The following EDNRB variants were observed in gnomAD, a reference collection of about 807,000 sequenced individuals.
EDNRB encodes the protein Hirschsprung disease 2.
Under a neutral mutation model 46.4 loss-of-function variants are expected in EDNRB, and 18 were observed. That is an observed-to-expected ratio of 0.39 (90% CI 0.27 to 0.57). The LOEUF is 0.57. Among genes scored for constraint, EDNRB ranks in the 20% least tolerant of loss-of-function variants. The probability of loss-of-function intolerance (pLI) is 0.61; values close to 1 mark genes in which losing one functional copy is unlikely to be tolerated. For synonymous variants in EDNRB, 213 were observed against 204.9 expected (o/e 1.04, Z -0.34); for missense variants, 434 against 537.5 (o/e 0.81, Z 1.90).
intron 1 of EDNRB, among the ~76,000 whole-genome samples, chr13:77,963,556 T>A: frequency 6.6e-6 from 1 of 152,182 alleles, no homozygotes; most frequent in Non-Finnish European, 1.5e-5. Context: ...CTGGGAAAAC[T>A]GGCTAGCCAT....
rs147945804 is a variant in EDNRB, at chr13:77,958,344, T to TTTTATTTA, written c.-52+16995_-52+17002dup. On this transcript the variant is annotated intron_variant, in intron 1 of 7. Coordinates refer to the EDNRB transcript ENST00000646948. ...AGTAATTTCAAATTTTCCCAGGTTA[T>TTTTATTTA]TTTATTTATTTATTTATTTATTTAT... Among the ~76,000 whole-genome samples the TTTTATTTA allele has an allele frequency of 3.6e-3, 517 of 145,630 alleles. 4 individuals carry two copies. Among genetic ancestry groups the TTTTATTTA allele is most frequent in the Middle Eastern group, 0.021 (6 of 284 alleles).
At chr13:77,922,777 C>A (rs531439509), upstream of EDNRB, among the ~76,000 whole-genome samples, 2 of 152,314 alleles carry the variant, frequency 1.3e-5, no homozygotes, top group African/African-American at 4.8e-5. Context: ...CAGGGCTTAA[C>A]TGCAGCTTGA....
chr13:77,903,931 A>G (rs1453198998), intron 1 of EDNRB, among the ~76,000 whole-genome samples: 1 of 151,876 alleles, frequency 6.6e-6, no homozygotes, highest in East Asian at 1.9e-4. Context: ...ACTGTCATGG[A>G]GTCTGAAATG....
intron 1 of EDNRB, among the ~76,000 whole-genome samples, chr13:77,927,757 G>T (rs964069705): frequency 2.6e-5 from 4 of 152,148 alleles, no homozygotes; most frequent in African/African-American, 9.7e-5. Context: ...TCAAATATTT[G>T]TAAGAAAAGT....
intron 1 of EDNRB, among the ~76,000 whole-genome samples, chr13:77,955,845 G>GTATCTATCTATC (rs61434836): frequency 1.4e-3 from 207 of 145,738 alleles, no homozygotes; most frequent in South Asian, 1.8e-3. Flanking sequence ...ATGTGTGTGT[G>GTATCTATCTATC]TATCTATCTA....
At chr13:77,966,167 G>T (rs962227655) in intron 1 of EDNRB, among the ~76,000 whole-genome samples, 12 of 152,086 alleles carry the variant, frequency 7.9e-5, no homozygotes, top group African/African-American at 2.9e-4. Flanking sequence ...GGGATTACAG[G>T]GGTGAGCCAC....
In EDNRB at chr13:77,897,204, T is replaced by C; in HGVS notation, c.*996A>G. 1 of 985,392 alleles carries C rather than the reference T, an allele frequency of 1.0e-6. No individual in the cohort carries two copies. Among genetic ancestry groups the C allele is most frequent in the Non-Finnish European group, 1.2e-6 (1 of 829,978 alleles). The allele number at this position is 985,392 out of a possible 1,614,324, so 61.0% of individuals were successfully genotyped here. ...CACTGGCATCTCTCCATCGTAAAGC[T>C]ATGAGCACAGGGCCTGCCCTCATTT... On this transcript the variant is annotated 3_prime_UTR_variant, in exon 7 of 7. Coordinates refer to ENST00000646607, the MANE Select transcript of EDNRB (RefSeq NM_001122659.3).
intron 1 of EDNRB, among the ~76,000 whole-genome samples, chr13:77,938,520 C>T (rs1420060374): frequency 6.6e-6 from 1 of 152,118 alleles, no homozygotes. Context: ...AAAAGTGGTA[C>T]TTGCCGCTAA....
At chr13:77,904,392 G>T (rs1010812052) in intron 1 of EDNRB, among the ~76,000 whole-genome samples, 1 of 151,712 alleles carries the variant, frequency 6.6e-6, no homozygotes, top group Non-Finnish European at 1.5e-5. Context: ...TAACTTATTT[G>T]TTTGCTTAGA....
chr13:77,946,269 GT>G (rs1003265147), intron 1 of EDNRB, among the ~76,000 whole-genome samples: 3 of 152,130 alleles, frequency 2.0e-5, no homozygotes, highest in Non-Finnish European at 4.4e-5. Flanking sequence ...CCATTCTGGG[GT>G]TTGCTGTCTT....
chr13:77,936,817 C>T (rs1464530003), intron 1 of EDNRB, among the ~76,000 whole-genome samples: 2 of 152,232 alleles, frequency 1.3e-5, no homozygotes, highest in Non-Finnish European at 2.9e-5. Context: ...TGTAGGAATG[C>T]TTGACTGCTG....
At chr13:77,961,187 G>A (rs1403436627) in intron 1 of EDNRB, among the ~76,000 whole-genome samples, 1 of 152,052 alleles carries the variant, frequency 6.6e-6, no homozygotes, top group African/African-American at 2.4e-5. Flanking sequence ...TCTGCACCAA[G>A]CAGACCTAAT....
chr13:77,968,107 A>G (rs1163304736), intron 1 of EDNRB, among the ~76,000 whole-genome samples: 2 of 152,186 alleles, frequency 1.3e-5, no homozygotes, highest in Admixed American at 1.3e-4. Context: ...TCAATTTTTT[A>G]TCAATGAAAA....
Position 77,898,346 on chromosome 13 carries a change from AAAGT to A in EDNRB, c.1195-16_1195-13del. On this transcript the variant is annotated splice_polypyrimidine_tract_variant and intron_variant, in intron 6 of 6. Transcript: ENST00000646607. Reference sequence around the variant, plus strand: ...CAGCATAAGCATGACTGTACAAAACAAAGTAACTCATTATATGTTAACATCAGTC... The same window carrying A: ...CAGCATAAGCATGACTGTACAAAACAAACTCATTATATGTTAACATCAGTC... 1 of 1,611,378 alleles carries A rather than the reference AAAGT, an allele frequency of 6.2e-7. No individual in the cohort carries two copies. The highest frequency in any genetic ancestry group is 8.5e-7 in the Non-Finnish European group (1 of 1,178,392).
chr13:77,919,283 T>A, upstream of EDNRB: 1 of 1,144,016 alleles, frequency 8.7e-7, no homozygotes, highest in South Asian at 1.6e-5. Flanking sequence ...TAATTTGCCC[T>A]CTCTATAGGC....
At chr13:77,907,193 T>G (rs1200838342) in intron 1 of EDNRB, among the ~76,000 whole-genome samples, 1 of 152,010 alleles carries the variant, frequency 6.6e-6, no homozygotes, top group Non-Finnish European at 1.5e-5. Context: ...AGGATGTGTC[T>G]GGAAGAAATT....
chr13:77,924,062 A>T (rs2137647325), upstream of EDNRB, among the ~76,000 whole-genome samples: 1 of 152,352 alleles, frequency 6.6e-6, no homozygotes. Context: ...ATGAAAATTT[A>T]AAGGGAAACA....
chr13:77,917,864 G>C (rs959062063), intron 1 of EDNRB, among the ~76,000 whole-genome samples: 12 of 152,202 alleles, frequency 7.9e-5, no homozygotes, highest in Non-Finnish European at 1.6e-4. Flanking sequence ...CCTAAGCTTA[G>C]CAGAGGTCTA....
intron 1 of EDNRB, among the ~76,000 whole-genome samples, chr13:77,974,597 CTCTCTCTCTCCTCTCTGCCT>C: frequency 9.3e-6 from 1 of 108,040 alleles, no homozygotes; most frequent in Non-Finnish European, 1.9e-5. Context: ...TCTTCTCTGT[CTCTCTCTCTCCTCTCTGCCT>C]CTCTCTCTCT....
Sources: gnomAD v4.1 joint callset for allele counts (sites outside exome capture counted in the v4.1 genomes callset) on GRCh38, gnomAD v4.1.1 for gene constraint, MANE v1.5 for transcripts, NCBI Gene and HGNC (gene_info 2026-07-23, HGNC 2026-07-21) for gene names.